Variants in METTL5 observed in about 807,000 individuals in gnomAD.
METTL5 encodes rRNA N(6)-adenosine-methyltransferase METTL5.
In METTL5, 28 loss-of-function variants were observed where a neutral mutation model predicts 26.5. That is an observed-to-expected ratio of 1.06 (90% CI 0.78 to 1.45). The LOEUF is 1.45. Among genes scored for constraint, METTL5 ranks in the 40% most tolerant of loss-of-function variants. METTL5 has a pLI of 0.00. For synonymous variants in METTL5, 86 were observed against 82.6 expected, an observed-to-expected ratio of 1.04 and a Z score of -0.22; for missense variants, 231 against 249.9, an observed-to-expected ratio of 0.92 and a Z score of 0.51.
chr2:169,818,171 C>G (rs2081537174), intron 4 of METTL5, among the ~76,000 whole-genome samples: 1 of 152,112 alleles, frequency 6.6e-6, no homozygotes, highest in African/African-American at 2.4e-5. Context: ...ATGATCAGTC[C>G]CTAATAAAAG....
chr2:169,815,378 C>T, intron 5 of METTL5, 99 bp downstream of exon 5: 1 of 791,666 alleles, frequency 1.3e-6, no homozygotes, highest in South Asian at 1.8e-5. Context: ...TTTTGCCACA[C>T]TGTAAAGCAT....
intron 6 of METTL5, 28 bp from the exon 7 acceptor site, chr2:169,811,886 G>T (rs11553159): frequency 2.5e-6 from 4 of 1,609,758 alleles, no homozygotes; most frequent in Non-Finnish European, 3.4e-6. Flanking sequence ...TTTTTTTGTT[G>T]TTTAACTTGT....
At chr2:169,811,979 T>G in intron 6 of METTL5, 121 bp from the exon 7 acceptor site, 1 of 1,162,022 alleles carries the variant, frequency 8.6e-7, no homozygotes, top group South Asian at 1.5e-5. Context: ...AAAAGGAAGA[T>G]TCTTCCATTA....
intron 5 of METTL5, among the ~76,000 whole-genome samples, chr2:169,813,702 AATAAT>A (rs1690056179): frequency 6.7e-6 from 1 of 149,348 alleles, no homozygotes; most frequent in South Asian, 2.1e-4. Flanking sequence ...TAAAAATAAT[AATAAT>A]AAAAAAAACA....
intron 6 of METTL5, 176 bp downstream of exon 6, chr2:169,812,281 C>G (rs760757436): frequency 1.0e-6 from 1 of 977,086 alleles, no homozygotes; most frequent in Non-Finnish European, 1.6e-6. Context: ...ACTCTTATCG[C>G]GCAGGCTGGA....
At chr2:169,820,694 C>T (rs2081571511) in intron 3 of METTL5, among the ~76,000 whole-genome samples, 4 of 152,174 alleles carry the variant, frequency 2.6e-5, no homozygotes, top group Admixed American at 2.6e-4. Flanking sequence ...TTAGCCCAAA[C>T]AGTGATAAAA....
chr2:169,821,887 T>C (rs57923052), intron 2 of METTL5, 56 bp downstream of exon 2: 41,403 of 1,483,086 alleles, frequency 0.028, 982 homozygotes, highest in African/African-American at 0.11. Context: ...TTAATCCCAT[T>C]GATGCTCCTT....
intron 5 of METTL5, among the ~76,000 whole-genome samples, chr2:169,814,221 C>G (rs1163205925): frequency 2.0e-5 from 3 of 151,952 alleles, no homozygotes; most frequent in Non-Finnish European, 2.9e-5. Flanking sequence ...GGCTCAGTGG[C>G]TCACACCTGT....
At chr2:169,819,475 G>A (rs1402669147) in intron 4 of METTL5, 86 bp downstream of exon 4, 2 of 925,838 alleles carry the variant, frequency 2.2e-6, no homozygotes, top group East Asian at 2.5e-5. Flanking sequence ...TAGATACTGT[G>A]GTATCTAGTA....
At chr2:169,814,267 C>G (rs1009305988) in intron 5 of METTL5, among the ~76,000 whole-genome samples, 3 of 151,788 alleles carry the variant, frequency 2.0e-5, no homozygotes, top group Admixed American at 1.3e-4. Context: ...GCTGGAGGAT[C>G]ACTGAGGTCA....
intron 5 of METTL5, among the ~76,000 whole-genome samples, chr2:169,815,079 G>A (rs1039340205): frequency 6.6e-6 from 1 of 151,938 alleles, no homozygotes; most frequent in South Asian, 2.1e-4. Flanking sequence ...TTTTAGTAGA[G>A]ATGGGGTTTC....
At chr2:169,813,194 C>G (rs1690034565) in intron 5 of METTL5, 1 of 148,616 alleles carries the variant, frequency 6.7e-6, no homozygotes, top group Non-Finnish European at 1.5e-5. Context: ...GTGGCGCGAT[C>G]TGGGCTCACT....
At chr2:169,812,274 C>T (rs565627165) in intron 6 of METTL5, 183 bp downstream of exon 6, 40 of 923,844 alleles carry the variant, frequency 4.3e-5, no homozygotes, top group Non-Finnish European at 6.0e-5. Flanking sequence ...GAGTCTCACT[C>T]TTATCGCGCA....
At chr2:169,816,847 C>T (rs1034654270) in intron 4 of METTL5, among the ~76,000 whole-genome samples, 1 of 152,108 alleles carries the variant, frequency 6.6e-6, no homozygotes, top group African/African-American at 2.4e-5. Context: ...TAGAAGAAAA[C>T]CTAGGCAATA....
chr2:169,822,066 TAAAAAAA>T lies in METTL5; in HGVS notation c.110-16_110-10del, dbSNP rs373745484. ...TGTATAGAGCATACATGCTAAAAAA[TAAAAAAA>T]AAAAGAATAAGTAAGCAAGCCGGTG... On this transcript the variant is annotated splice_polypyrimidine_tract_variant and intron_variant, in intron 1 of 6. Transcript: ENST00000260953. 1.1e-6 allele frequency: 1 copy of T among 902,238 alleles called. No homozygotes were observed. Among genetic ancestry groups the T allele is most frequent in the Non-Finnish European group, 1.5e-6 (1 of 658,402 alleles). The allele number at this position is 902,238 out of a possible 1,614,324, so 55.9% of individuals were successfully genotyped here.
chr2:169,819,863 ATAT>A (rs2081559938), intron 3 of METTL5, among the ~76,000 whole-genome samples: 1 of 152,342 alleles, frequency 6.6e-6, no homozygotes, highest in South Asian at 2.1e-4. Context: ...AAAAATTTTA[ATAT>A]TATATTCCAA....
chr2:169,812,092 T>C, intron 6 of METTL5: 1 of 596,048 alleles, frequency 1.7e-6, no homozygotes, highest in Admixed American at 3.5e-5. Context: ...TTTCTTTTTG[T>C]ACCCAAAGCA....
chr2:169,812,639 T>G, intron 5 of METTL5, 133 bp from the exon 6 acceptor site: 2 of 945,712 alleles, frequency 2.1e-6, no homozygotes, highest in Non-Finnish European at 3.1e-6. Context: ...AACCTTTAAC[T>G]TATCCAAGTA....
chr2:169,820,577 T>C (rs1014224309), intron 3 of METTL5, among the ~76,000 whole-genome samples: 4 of 152,174 alleles, frequency 2.6e-5, no homozygotes, highest in African/African-American at 4.8e-5. Flanking sequence ...ATTAAACAAA[T>C]TGAAATGTAA....
Sources: gnomAD v4.1 joint callset for allele counts (sites outside exome capture counted in the v4.1 genomes callset) on GRCh38, gnomAD v4.1.1 for gene constraint, MANE v1.5 for transcripts, NCBI Gene and HGNC (gene_info 2026-07-23, HGNC 2026-07-21) for gene names.